The following PALLD variants were observed in gnomAD, a reference collection of about 807,000 sequenced individuals.
PALLD encodes palladin.
Under a neutral mutation model 123.5 loss-of-function variants are expected in PALLD, and 61 were observed. That is an observed-to-expected ratio of 0.49 (90% confidence interval 0.40 to 0.61). The LOEUF is 0.61. Among genes scored for constraint, PALLD ranks in the 20% least tolerant of loss-of-function variants. PALLD has a pLI of 0.00. For missense variants in PALLD, 1,273 were observed against 1,377.0 expected (o/e 0.92, Z 1.20); for synonymous variants, 465 against 496.4 (o/e 0.94, Z 0.84).
At position 168,658,573 on chromosome 4, in the gene PALLD, C is replaced by T. The variant is rs551757276; in HGVS notation, c.909-9617C>T. Reference sequence around the variant, plus strand: ...AAGTGCTGGGATTATAGGCGTGAGCCACCATGCCCAGCCTGTATTTGTTTT... The same window carrying T: ...AAGTGCTGGGATTATAGGCGTGAGCTACCATGCCCAGCCTGTATTTGTTTT... On this transcript the variant is annotated intron_variant, in intron 2 of 21. Coordinates refer to ENST00000505667, the MANE Select transcript of PALLD (RefSeq NM_001166108.2). Among the ~76,000 whole-genome samples the T allele has an allele frequency of 3.8e-3, 579 of 151,826 alleles. 3 individuals are homozygous for T. The highest frequency in any genetic ancestry group is 0.014 in the African/African-American group (566 of 41,428).
chr4:168,582,630 T>C (rs1770404690), intron 2 of PALLD, among the ~76,000 whole-genome samples: 1 of 152,114 alleles, frequency 6.6e-6, no homozygotes, highest in African/African-American at 2.4e-5. Flanking sequence ...TGAGAATTCT[T>C]ATGAAAGGAG....
intron 10 of PALLD, among the ~76,000 whole-genome samples, chr4:168,806,562 C>T (rs962415495): frequency 6.6e-6 from 1 of 152,182 alleles, no homozygotes; most frequent in Non-Finnish European, 1.5e-5. Context: ...CTTCTTCATA[C>T]ATTACCCAGT....
At chr4:168,639,558 T>A (rs1471113520) in intron 2 of PALLD, among the ~76,000 whole-genome samples, 2 of 151,792 alleles carry the variant, frequency 1.3e-5, no homozygotes, top group Non-Finnish European at 2.9e-5. Flanking sequence ...TTTTTTTTTT[T>A]TTTGAGACGG....
At chr4:168,703,693 T>C (rs1415528080) in intron 8 of PALLD, among the ~76,000 whole-genome samples, 1 of 142,156 alleles carries the variant, frequency 7.0e-6, no homozygotes, top group Non-Finnish European at 1.5e-5. Flanking sequence ...GTCTTTTGGC[T>C]GCATAAATGT....
intron 2 of PALLD, among the ~76,000 whole-genome samples, chr4:168,563,801 T>C (rs1561251676): frequency 6.6e-6 from 1 of 152,224 alleles, no homozygotes; most frequent in Non-Finnish European, 1.5e-5. Context: ...CTGTCTGTGT[T>C]CTACTAATGA....
chr4:168,856,737 T>C (rs1748664001), intron 10 of PALLD, among the ~76,000 whole-genome samples: 1 of 152,204 alleles, frequency 6.6e-6, no homozygotes, highest in South Asian at 2.1e-4. Flanking sequence ...TAATAGAGTC[T>C]AAAATTTAAA....
At chr4:168,896,681 T>C in intron 13 of PALLD, 82 bp downstream of exon 13, 2 of 764,944 alleles carry the variant, frequency 2.6e-6, no homozygotes, top group South Asian at 3.3e-5. Flanking sequence ...CGTGTGTTTC[T>C]ATCTTTTCTG....
At chr4:168,831,925 G>A (rs1053082081) in intron 10 of PALLD, 4 of 830,396 alleles carry the variant, frequency 4.8e-6, no homozygotes, top group Non-Finnish European at 5.8e-6. Context: ...TGGGTGCGGG[G>A]AAGCCTCCCT....
intron 2 of PALLD, among the ~76,000 whole-genome samples, chr4:168,570,491 T>C (rs996978124): frequency 6.6e-6 from 1 of 151,848 alleles, no homozygotes; most frequent in Non-Finnish European, 1.5e-5. Flanking sequence ...AAAGTGCCAA[T>C]GTTCCTTTAA....
intron 10 of PALLD, among the ~76,000 whole-genome samples, chr4:168,792,762 T>C (rs1413673396): frequency 6.6e-6 from 1 of 151,886 alleles, no homozygotes; most frequent in Non-Finnish European, 1.5e-5. Flanking sequence ...TATTCTTTTT[T>C]TTTCTTTTTT....
chr4:168,878,906 A>C lies in PALLD; in HGVS notation c.1965-12016A>C, dbSNP rs182861308. Among the ~76,000 whole-genome samples, 117 of 152,332 alleles carry C rather than the reference A, an allele frequency of 7.7e-4. 3 individuals are homozygous for C. In the East Asian group the frequency reaches 0.02, roughly 26 times the overall value. On this transcript the variant is annotated intron_variant, in intron 10 of 21. Transcript: ENST00000505667. ...GTGTTTTATTATAATATTTCATGCC[A>C]GCATTACAATGGATGTGAAGGAGTT...
intron 10 of PALLD, among the ~76,000 whole-genome samples, chr4:168,748,098 T>A (rs969964554): frequency 6.6e-6 from 1 of 152,248 alleles, no homozygotes; most frequent in Non-Finnish European, 1.5e-5. Flanking sequence ...GGTTTCAGTA[T>A]TCTAAATAAT....
chr4:168,768,941 G>A (rs1266069663), intron 10 of PALLD, among the ~76,000 whole-genome samples: 1 of 152,050 alleles, frequency 6.6e-6, no homozygotes, highest in Non-Finnish European at 1.5e-5. Context: ...CAATTCGCAT[G>A]CCACAGCCTC....
intron 8 of PALLD, among the ~76,000 whole-genome samples, chr4:168,705,140 G>A (rs1784106260): frequency 6.6e-6 from 1 of 151,808 alleles, no homozygotes; most frequent in African/African-American, 2.4e-5. Context: ...AAAGAGAGAA[G>A]GAGGGCTTAA....
At chr4:168,584,179 C>G (rs1228362456) in intron 2 of PALLD, among the ~76,000 whole-genome samples, 1 of 151,120 alleles carries the variant, frequency 6.6e-6, no homozygotes, top group Admixed American at 6.6e-5. Flanking sequence ...CAGGTAAAAT[C>G]TAGCACCAGC....
chr4:168,658,900 G>A (rs1580805798), intron 2 of PALLD, among the ~76,000 whole-genome samples: 1 of 152,270 alleles, frequency 6.6e-6, no homozygotes, highest in East Asian at 1.9e-4. Context: ...AAGTACATCT[G>A]TTGTCCACAC....
Position 168,526,866 on chromosome 4 carries a change from A to G in PALLD, c.908+14454A>G, listed in dbSNP as rs191743505. ...AGCAAATGAAGCCTCCAGAAAGGGA[A>G]TCTGAAAGAGACAAGGTGAAGGATT... is the stretch of plus-strand genomic sequence containing the variant. On this transcript the variant is annotated intron_variant, in intron 2 of 21. Transcript: ENST00000505667. Among the ~76,000 whole-genome samples, 1,419 of 152,336 alleles carry G rather than the reference A, an allele frequency of 9.3e-3. 27 individuals are homozygous for G. Among genetic ancestry groups the G allele is most frequent in the African/African-American group, 0.032 (1,324 of 41,578 alleles).
chr4:168,753,970 C>T (rs575876389), intron 10 of PALLD, among the ~76,000 whole-genome samples: 1 of 152,058 alleles, frequency 6.6e-6, no homozygotes, highest in African/African-American at 2.4e-5. Context: ...ATAGGTTATG[C>T]AACAAGTACA....
rs1192692002 is a variant in PALLD at position 168,680,129 on chromosome 4, G to GT, written c.1088-1202dup. 4.6e-5 allele frequency among the ~76,000 whole-genome samples: 7 copies of GT among 152,106 alleles called. No individual in the cohort carries two copies. In the East Asian group the frequency reaches 7.7e-4, roughly 17 times the overall value. On this transcript the variant is annotated intron_variant, in intron 3 of 21. Coordinates refer to ENST00000505667, the MANE Select transcript of PALLD (RefSeq NM_001166108.2). ...GCCAAATGCCAAGTGAACATGCCAT[G>GT]TGAATCCATTTGTATAAATATGTAC... is the stretch of plus-strand genomic sequence containing the variant.
Sources: gnomAD v4.1 joint callset for allele counts (sites outside exome capture counted in the v4.1 genomes callset) on GRCh38, gnomAD v4.1.1 for gene constraint, MANE v1.5 for transcripts, NCBI Gene and HGNC (gene_info 2026-07-23, HGNC 2026-07-21) for gene names.